Variants in VWA7 observed in about 807,000 individuals in gnomAD.
The protein encoded by VWA7 is von Willebrand factor A domain-containing protein 7.
A neutral mutation model predicts 83.1 loss-of-function variants in VWA7; 66 were observed. That is an observed-to-expected ratio of 0.79 (90% confidence interval 0.65 to 0.98). The LOEUF (loss-of-function observed/expected upper bound fraction) is 0.98, where lower values mean the gene tolerates loss of function less well. Ranked by LOEUF, VWA7 falls within the 50% of genes least tolerant of loss-of-function variation. The pLI is 0.00. For missense variants in VWA7, 1,080 were observed against 1,160.2 expected, an observed-to-expected ratio of 0.93 and a Z score of 1.00; for synonymous variants, 424 against 488.5, an observed-to-expected ratio of 0.87 and a Z score of 1.74.
rs1239208515 is a variant in VWA7 at position 31,769,685 on chromosome 6, C to A, written c.1307G>T (p.Arg436Leu). Residue 436 changes from arginine to leucine, a missense_variant, in exon 9 of 17, where the codon CGG becomes CTG. By Grantham distance (102) the Arg-to-Leu change is moderately radical. Transcript: ENST00000375688. The surrounding 1 kb of genome is among the most constrained non-coding windows in gnomAD (Gnocchi z 4.5). ...TNQVESLTQERRCRVTFLVTE... is the reference protein window; with the variant it reads ...TNQVESLTQELRCRVTFLVTE... Reference sequence around the variant, plus strand: ...ACTAGCTCTGCTCACCCGGCAGCGCCGCTCCTGAGTCAGGGATTCCACCTG... The same window carrying A: ...ACTAGCTCTGCTCACCCGGCAGCGCAGCTCCTGAGTCAGGGATTCCACCTG... 2 of 1,612,912 alleles carry A rather than the reference C, an allele frequency of 1.2e-6. No individual in the cohort carries two copies. The highest frequency in any genetic ancestry group is 1.3e-5 in the African/African-American group (1 of 75,050).
chr6:31,766,781 G>A lies in VWA7; in HGVS notation c.1883-17C>T. On this transcript the variant is annotated splice_polypyrimidine_tract_variant and intron_variant, in intron 13 of 16. Coordinates refer to ENST00000375688, the MANE Select transcript of VWA7 (RefSeq NM_025258.3). The surrounding 1 kb of genome is among the most constrained non-coding windows in gnomAD (Gnocchi z 4.9). ...TCTGAAGACCTGGGACAGGGGCGAGGAGGGGAGAACATTGTGAGATTCGGA... is the reference window on the plus strand; with the variant it reads ...TCTGAAGACCTGGGACAGGGGCGAGAAGGGGAGAACATTGTGAGATTCGGA... 2.5e-6 allele frequency: 4 copies of A among 1,586,916 alleles called. No homozygotes were observed. The highest frequency in any genetic ancestry group is 3.4e-6 in the Non-Finnish European group (4 of 1,162,486).
Position 31,773,735 on chromosome 6 carries a change from T to C in VWA7, c.722-298A>G, listed in dbSNP as rs1038510227. 1.3e-5 allele frequency among the ~76,000 whole-genome samples: 2 copies of C among 151,974 alleles called. No individual in the cohort carries two copies. Among genetic ancestry groups the C allele is most frequent in the African/African-American group, 4.8e-5 (2 of 41,330 alleles). ...GGTGGCGCGTGCTTGTAATCCCAGC[T>C]ACTTAGGAGGCTGAGGAAGGAAAAT... On this transcript the variant is annotated intron_variant, in intron 5 of 16. Coordinates refer to ENST00000375688, the MANE Select transcript of VWA7 (RefSeq NM_025258.3). This position sits in a 1 kb window ranked among gnomAD's most constrained non-coding sequence, Gnocchi z 5.3.
Position 31,769,725 on chromosome 6 carries a change from C to T in VWA7, c.1267G>A (p.Ala423Thr), listed in dbSNP as rs1055928650. 1 of 1,613,060 alleles carries T rather than the reference C, an allele frequency of 6.2e-7. No homozygotes were observed. ...GATTCCACCTGGTTGGTGAGAAAGG[C>T]ATCCTTGGGGGAGGCATCCGTGAAG... ...FVFTDASPKDAFLTNQVESLT... is the reference protein window; with the variant it reads ...FVFTDASPKDTFLTNQVESLT... Residue 423 changes from alanine (A) to threonine (T), a missense_variant, in exon 9 of 17, where the codon GCC (alanine) becomes ACC (threonine). Coordinates refer to ENST00000375688, the MANE Select transcript of VWA7 (RefSeq NM_025258.3). This position sits in a 1 kb window ranked among gnomAD's most constrained non-coding sequence, Gnocchi z 4.5.
chr6:31,777,301 C>A lies in VWA7; in HGVS notation c.-208G>T. On this transcript the variant is annotated 5_prime_UTR_variant, in exon 1 of 17. In the 5' UTR this introduces an upstream ATG that the reference lacks. Coordinates refer to ENST00000375688, the MANE Select transcript of VWA7 (RefSeq NM_025258.3). This position sits in a 1 kb window ranked among gnomAD's most constrained non-coding sequence, Gnocchi z 5.8. ...GGCAGCAGCCCACGCCAGGGCGGGC[C>A]TCCCTTGGCTGCAGTGCGGAGGTGA... is the stretch of plus-strand genomic sequence containing the variant. 1.9e-6 allele frequency: 1 copy of A among 525,212 alleles called. No homozygotes were observed. The highest frequency in any genetic ancestry group is 3.4e-6 in the Non-Finnish European group (1 of 294,770). 32.5% of individuals were successfully genotyped at this position (525,212 alleles called of 1,614,324 possible).
chr6:31,772,061 GTGCCAAAGCA>G (rs1812233893), intron 7 of VWA7, among the ~76,000 whole-genome samples: 1 of 148,936 alleles, frequency 6.7e-6, no homozygotes, highest in Non-Finnish European at 1.5e-5. Flanking sequence ...CAGAGGCCAC[GTGCCAAAGCA>G]TGAATCATGC....
intron 13 of VWA7, 75 bp downstream of exon 13, chr6:31,767,083 A>T (rs1811671842): frequency 3.0e-6 from 1 of 334,004 alleles, no homozygotes; most frequent in Admixed American, 4.9e-5. Flanking sequence ...TAATATATAT[A>T]TTATATATTA....
chr6:31,772,761 G>A (rs565345970), intron 7 of VWA7, among the ~76,000 whole-genome samples, 193 bp downstream of exon 7: 2 of 151,140 alleles, frequency 1.3e-5, no homozygotes, highest in African/African-American at 4.9e-5. Flanking sequence ...CACCACGCCC[G>A]GCTAATTTTG....
Position 31,777,126 on chromosome 6 carries a change from TG to T in VWA7, c.-34del, listed in dbSNP as rs34442639. ...TCCCCTACCTGGTTGCTGGGTCTCC[TG>T]GGCAGGGCTGGCCCGGGCTTGACGT... is the stretch of plus-strand genomic sequence containing the variant. On this transcript the variant is annotated 5_prime_UTR_variant, in exon 1 of 17. Transcript: ENST00000375688. This position sits in a 1 kb window ranked among gnomAD's most constrained non-coding sequence, Gnocchi z 5.8. 0.022 allele frequency: 7,834 copies of T among 359,206 alleles called. 128 individuals are homozygous for T. The highest frequency in any genetic ancestry group is 0.025 in the Non-Finnish European group (4,926 of 199,050). The allele number at this position is 359,206 out of a possible 1,614,324, so 22.3% of individuals were successfully genotyped here. A position where few individuals can be genotyped will look rare whatever the true frequency, so the allele number is the denominator to read the frequency against.
chr6:31,771,274 A>C (rs1338831331), intron 7 of VWA7: 2 of 152,342 alleles, frequency 1.3e-5, no homozygotes, highest in South Asian at 4.1e-4. Flanking sequence ...GGCAACTCTC[A>C]GTCCAGTAGG....
chr6:31,766,891 G>T lies in VWA7; in HGVS notation c.1883-127C>A. The T allele has an allele frequency of 9.7e-7, 1 of 1,026,680 alleles. No individual in the cohort carries two copies. The highest frequency in any genetic ancestry group is 1.4e-6 in the Non-Finnish European group (1 of 727,692). The allele number at this position is 1,026,680 out of a possible 1,614,324, so 63.6% of individuals were successfully genotyped here. On this transcript the variant is annotated intron_variant, in intron 13 of 16. Coordinates refer to ENST00000375688, the MANE Select transcript of VWA7 (RefSeq NM_025258.3). The surrounding 1 kb of genome is among the most constrained non-coding windows in gnomAD (Gnocchi z 4.9). ...ATGGGAAAATAGGTTACCTTCGAGG[G>T]GTATTGATGGGGAGCATCAGGAGGG...
chr6:31,774,523 T>C lies in VWA7; in HGVS notation c.714A>G (p.Lys238=). ...TSGYFGTHPP[K]PPGKCSHGGH... is the part of the protein sequence containing the mutation. ...AACTTTCTTGTCTGGTACCTGGAGGTTTCGGGGGATGAGTTCCAAAGTAGC... is the reference window on the plus strand; with the variant it reads ...AACTTTCTTGTCTGGTACCTGGAGGCTTCGGGGGATGAGTTCCAAAGTAGC... The change falls in exon 5 of 17, where the codon AAA becomes AAG. Residue 238 remains lysine (K), a synonymous_variant. Transcript: ENST00000375688. The C allele has an allele frequency of 6.2e-7, 1 of 1,612,284 alleles. No homozygotes were observed. Among genetic ancestry groups the C allele is most frequent in the Non-Finnish European group, 8.5e-7 (1 of 1,179,766 alleles).
rs1391915836 is a variant in VWA7 at position 31,774,610 on chromosome 6, G to A, written c.627C>T (p.Cys209=). The change falls in exon 5 of 17, where the codon TGC becomes TGT. Residue 209 remains cysteine, a synonymous_variant. Coordinates refer to ENST00000375688, the MANE Select transcript of VWA7 (RefSeq NM_025258.3). ...QNLAQVADPT[C]SDCEELSCPR... ...GGCAGCTCAACTCCTCGCAATCGGAGCAGGTAGGATCGGCCACTGGGAAGA... is the reference window on the plus strand; with the variant it reads ...GGCAGCTCAACTCCTCGCAATCGGAACAGGTAGGATCGGCCACTGGGAAGA... The A allele has an allele frequency of 6.2e-7, 1 of 1,612,498 alleles. No individual in the cohort carries two copies. Among genetic ancestry groups the A allele is most frequent in the South Asian group, 1.1e-5 (1 of 90,996 alleles).
At chr6:31,768,139 CAAAAAAAAAAAA>C (rs9279412) in intron 10 of VWA7, among the ~76,000 whole-genome samples, 10,863 of 77,614 alleles carry the variant, frequency 0.14, 563 homozygotes, top group Non-Finnish European at 0.17. Flanking sequence ...GACTCTGTCT[CAAAAAAAAAAAA>C]AAAAAAAAAA....
Position 31,766,415 on chromosome 6 carries a change from C to A in VWA7, c.2185-31G>T, listed in dbSNP as rs781180613. ...GAGAAGGGTTCTTCAGGGAAGGGGC[C>A]GCTCTAACTCTCTCCAGCCCCAGCC... On this transcript the variant is annotated intron_variant, in intron 14 of 16. Transcript: ENST00000375688. This position sits in a 1 kb window ranked among gnomAD's most constrained non-coding sequence, Gnocchi z 4.9. The A allele has an allele frequency of 1.9e-6, 3 of 1,578,240 alleles. No individual in the cohort carries two copies. The highest frequency in any genetic ancestry group is 2.6e-6 in the Non-Finnish European group (3 of 1,162,356).
At chr6:31,771,075 G>A (rs770747639) in intron 7 of VWA7, among the ~76,000 whole-genome samples, 4 of 150,016 alleles carry the variant, frequency 2.7e-5, no homozygotes, top group Non-Finnish European at 5.9e-5. Flanking sequence ...AAAAGAGACC[G>A]AATAGCACTT....
In VWA7 at chr6:31,775,292, C is replaced by A; in HGVS notation, c.610+41G>T. 4.5e-6 allele frequency: 7 copies of A among 1,548,446 alleles called. No homozygotes were observed. The highest frequency in any genetic ancestry group is 6.2e-6 in the Non-Finnish European group (7 of 1,133,168). On this transcript the variant is annotated intron_variant, in intron 4 of 16. Coordinates refer to ENST00000375688, the MANE Select transcript of VWA7 (RefSeq NM_025258.3). The surrounding 1 kb of genome is among the most constrained non-coding windows in gnomAD (Gnocchi z 5.9). ...ACAGTGGCTGGGTGGACTGAGGTGG[C>A]CCTGTGGACTCCTGCCTCACCACCA...
intron 10 of VWA7, 99 bp downstream of exon 10, chr6:31,768,919 C>T (rs561689010): frequency 2.3e-6 from 3 of 1,290,204 alleles, no homozygotes; most frequent in East Asian, 2.6e-5. Flanking sequence ...ACTGGAAGAA[C>T]AACACAGCAG....
chr6:31,772,783 G>C (rs1812322490), intron 7 of VWA7, among the ~76,000 whole-genome samples, 171 bp downstream of exon 7: 1 of 151,100 alleles, frequency 6.6e-6, no homozygotes, highest in African/African-American at 2.4e-5. Context: ...ATTTTTAGTA[G>C]AGACGGGGTT....
rs1419777700 is a variant in VWA7, at chr6:31,767,618, G to A, written c.1636+4C>T. 6.2e-7 allele frequency: 1 copy of A among 1,609,200 alleles called. No individual in the cohort carries two copies. The highest frequency in any genetic ancestry group is 8.5e-7 in the Non-Finnish European group (1 of 1,175,894). On this transcript the variant is annotated splice_donor_region_variant and intron_variant, in intron 11 of 16. Transcript: ENST00000375688. ...CCCTCTCTTCCCTCTACCTTCAGAG[G>A]TACCTGCAGGGTTCTTGATCCAGAA... is the stretch of plus-strand genomic sequence containing the variant.
Sources: gnomAD v4.1 joint callset for allele counts (sites outside exome capture counted in the v4.1 genomes callset) on GRCh38, gnomAD v4.1.1 for gene constraint, Gnocchi (gnomAD v3.1) non-coding constraint, MANE v1.5 for transcripts, NCBI Gene and HGNC (gene_info 2026-07-23, HGNC 2026-07-21) for gene names.